The following ALK variants were observed in gnomAD, a reference collection of about 807,000 sequenced individuals.
The protein encoded by ALK is ALK receptor tyrosine kinase, also known as ALK tyrosine kinase receptor.
A neutral mutation model predicts 163.1 loss-of-function variants in ALK; 74 were observed. That is an observed-to-expected ratio of 0.45 (90% CI 0.38 to 0.55). The LOEUF is 0.55. Ranked by LOEUF, ALK falls within the 20% of genes least tolerant of loss-of-function variation. The probability of loss-of-function intolerance (pLI) is 0.00; values close to 1 mark genes in which losing one functional copy is unlikely to be tolerated. For synonymous variants in ALK, 960 were observed against 843.2 expected, an observed-to-expected ratio of 1.14 and a Z score of -2.40; for missense variants, 2,063 against 2,105.3, an observed-to-expected ratio of 0.98 and a Z score of 0.39.
chr2:29,736,673 T>A (rs1655091112), intron 1 of ALK, among the ~76,000 whole-genome samples: 1 of 152,068 alleles, frequency 6.6e-6, no homozygotes, highest in African/African-American at 2.4e-5. Context: ...CCTTATGTAG[T>A]GTCGACTTTT....
chr2:29,911,560 A>T (rs974729578), intron 1 of ALK, among the ~76,000 whole-genome samples: 8 of 152,238 alleles, frequency 5.3e-5, no homozygotes, highest in African/African-American at 1.9e-4. Flanking sequence ...GGAGAATCCT[A>T]AAGAGAGCTG....
At chr2:29,393,015 T>C (rs77520491) in intron 4 of ALK, among the ~76,000 whole-genome samples, 148 of 2,264 alleles carry the variant, frequency 0.065, 1 homozygote, top group East Asian at 0.11. Context: ...TCACTGAGTG[T>C]TCAAGGTCAC....
chr2:29,665,265 G>A (rs1457736242), intron 3 of ALK, among the ~76,000 whole-genome samples: 2 of 151,936 alleles, frequency 1.3e-5, no homozygotes, highest in African/African-American at 4.8e-5. Context: ...GGGAATACAG[G>A]CGTGAACCAC....
At chr2:29,771,668 G>A (rs911009840) in intron 1 of ALK, among the ~76,000 whole-genome samples, 5 of 152,066 alleles carry the variant, frequency 3.3e-5, no homozygotes, top group African/African-American at 1.2e-4. Context: ...CCGAGTAGCT[G>A]GGACTACAGG....
At chr2:29,442,279 T>C (rs139515941) in intron 4 of ALK, among the ~76,000 whole-genome samples, 3 of 148,454 alleles carry the variant, frequency 2.0e-5, no homozygotes, top group Non-Finnish European at 4.5e-5. Context: ...CCATCAACTC[T>C]ATTGTTACTT....
At chr2:29,669,307 G>T (rs893282395) in intron 3 of ALK, among the ~76,000 whole-genome samples, 1 of 152,050 alleles carries the variant, frequency 6.6e-6, no homozygotes, top group South Asian at 2.1e-4. Context: ...ATTTATAATT[G>T]TTATATCCTC....
intron 24 of ALK, among the ~76,000 whole-genome samples, chr2:29,210,797 C>T (rs1436938714): frequency 6.6e-6 from 1 of 152,160 alleles, no homozygotes; most frequent in African/African-American, 2.4e-5. Context: ...TCGCTTCTTC[C>T]AGGTGATAAA....
intron 3 of ALK, among the ~76,000 whole-genome samples, chr2:29,621,102 G>C (rs184021134): frequency 6.6e-6 from 1 of 152,154 alleles, no homozygotes; most frequent in Non-Finnish European, 1.5e-5. Flanking sequence ...TCCAAAGGAG[G>C]GGGAGAGATT....
chr2:29,220,960 C>T (rs1451034510), intron 22 of ALK, 125 bp from the exon 23 acceptor site: 1 of 1,377,174 alleles, frequency 7.3e-7, no homozygotes, highest in Non-Finnish European at 1.0e-6. Flanking sequence ...ATTCTGTAAA[C>T]ATGGGCAGCA....
At chr2:29,883,472 G>T (rs1023243017) in intron 1 of ALK, among the ~76,000 whole-genome samples, 1 of 152,206 alleles carries the variant, frequency 6.6e-6, no homozygotes, top group African/African-American at 2.4e-5. Context: ...ATTCCTTGGT[G>T]CATGATGATG....
chr2:29,813,272 T>C (rs924650317), intron 1 of ALK, among the ~76,000 whole-genome samples: 1 of 152,142 alleles, frequency 6.6e-6, no homozygotes, highest in African/African-American at 2.4e-5. Flanking sequence ...GATTCAAAAA[T>C]GTCTTTTCCA....
chr2:29,637,506 C>T (rs970359615), intron 3 of ALK, among the ~76,000 whole-genome samples: 2 of 151,926 alleles, frequency 1.3e-5, no homozygotes, highest in African/African-American at 4.8e-5. Context: ...GTTGGGAGTT[C>T]GAGGCCAGCC....
At chr2:29,280,213 G>T (rs955343021) in intron 9 of ALK, among the ~76,000 whole-genome samples, 2 of 151,584 alleles carry the variant, frequency 1.3e-5, no homozygotes, top group African/African-American at 4.9e-5. Context: ...GGGAGGTTAT[G>T]GTATATACAG....
chr2:29,376,287 C>T (rs932709134), intron 5 of ALK, among the ~76,000 whole-genome samples: 27 of 152,306 alleles, frequency 1.8e-4, no homozygotes, highest in Admixed American at 1.0e-3. Context: ...ACCATTGAGC[C>T]GCATTTTGTG....
At chr2:29,806,655 C>T (rs2148368612) in intron 1 of ALK, among the ~76,000 whole-genome samples, 1 of 152,198 alleles carries the variant, frequency 6.6e-6, no homozygotes, top group African/African-American at 2.4e-5. Flanking sequence ...TGGGGTTTGT[C>T]AAAATAGATT....
rs553485553 is a variant in ALK, at chr2:29,232,404, A to G, written c.2532T>C (p.Gly844=). 4.0e-5 allele frequency: 64 copies of G among 1,614,148 alleles called. No individual in the cohort carries two copies. In the Admixed American group the frequency reaches 4.2e-4, roughly 11 times the overall value. The change falls in exon 15 of 29, where the codon GGT becomes GGC. Residue 844 remains glycine (G), a synonymous_variant. Transcript: ENST00000389048. The part of the protein sequence containing the change: ...VPVPLIIAAG[G]GGRAYGAKTD... ...TCTTGGCCCCGTAGGCCCTGCCACC[A>G]CCTCCGGCTGCAATGATCAGGGGCA...
intron 5 of ALK, among the ~76,000 whole-genome samples, chr2:29,347,803 T>C (rs552517454): frequency 6.6e-6 from 1 of 152,324 alleles, no homozygotes; most frequent in African/African-American, 2.4e-5. Context: ...CAGATAACCT[T>C]TGCAACTATA....
At chr2:29,678,619 G>T (rs1256813709) in intron 3 of ALK, among the ~76,000 whole-genome samples, 3 of 150,902 alleles carry the variant, frequency 2.0e-5, no homozygotes, top group South Asian at 4.2e-4. Context: ...TTCTTTCAGT[G>T]GTCAACTTTT....
intron 3 of ALK, among the ~76,000 whole-genome samples, chr2:29,565,313 G>A (rs539798265): frequency 7.2e-5 from 11 of 152,310 alleles, no homozygotes; most frequent in Admixed American, 5.9e-4. Context: ...ATTTGAACTC[G>A]GGTCTTCCGG....
Sources: allele counts gnomAD v4.1 joint callset (sites outside exome capture counted in the v4.1 genomes callset), GRCh38; gene constraint gnomAD v4.1.1; transcripts MANE v1.5; gene names NCBI Gene and HGNC (gene_info 2026-07-23, HGNC 2026-07-21).